The following GSE1 variants were observed in gnomAD, a reference collection of about 807,000 sequenced individuals.
GSE1 encodes genetic suppressor element 1.
GSE1 carries 32 observed loss-of-function variants against 112.6 expected under a neutral mutation model. The observed-to-expected ratio is 0.28, with a 90% confidence interval of 0.21 to 0.38. The LOEUF (loss-of-function observed/expected upper bound fraction) is 0.38. Among genes scored for constraint, GSE1 ranks in the 10% least tolerant of loss-of-function variants. GSE1 has a pLI of 1.00. For synonymous variants in GSE1, 1,115 were observed against 735.6 expected, an observed-to-expected ratio of 1.52 and a Z score of -8.35; for missense variants, 2,348 against 1,699.2, an observed-to-expected ratio of 1.38 and a Z score of -6.71.
At position 85,342,350 on chromosome 16, in the gene GSE1, C is replaced by T. The variant is rs577397201; in HGVS notation, c.2284-15113C>T. 5.3e-5 allele frequency among the ~76,000 whole-genome samples: 8 copies of T among 152,312 alleles called. No individual in the cohort carries two copies. In the South Asian group the frequency reaches 1.4e-3, roughly 28 times the overall value. The stretch of plus-strand genomic sequence containing the variant: ...AGCTGCCATTTTTCACTGTAATACC[C>T]TTGGCAGGGGCTGGGGAAGAAATTA... On this transcript the variant is annotated intron_variant, in intron 1 of 2. Transcript: ENST00000637419.
chr16:85,367,106 A>C (rs919202863), intron 2 of GSE1, among the ~76,000 whole-genome samples: 4 of 152,212 alleles, frequency 2.6e-5, no homozygotes, highest in African/African-American at 9.7e-5. Context: ...TGACCGGTCC[A>C]AGCTGATAAA....
chr16:85,652,186 C>A (rs896900366), intron 3 of GSE1, among the ~76,000 whole-genome samples: 3 of 152,246 alleles, frequency 2.0e-5, no homozygotes, highest in African/African-American at 2.4e-5. Context: ...CCGTTCATAG[C>A]CGTGCCATCA....
At chr16:85,486,788 G>C (rs754334178) in intron 2 of GSE1, among the ~76,000 whole-genome samples, 1 of 152,308 alleles carries the variant, frequency 6.6e-6, no homozygotes, top group South Asian at 2.1e-4. Flanking sequence ...CCCCCCGTTC[G>C]TGGCTTGTGA....
At chr16:85,613,098 GT>G, upstream of GSE1, 4 of 875,326 alleles carry the variant, frequency 4.6e-6, no homozygotes, top group Non-Finnish European at 6.3e-6. Context: ...GCGCCCGTCG[GT>G]GCGCGCGCGC....
At chr16:85,505,336 A>G (rs924007695) in intron 2 of GSE1, among the ~76,000 whole-genome samples, 6 of 152,112 alleles carry the variant, frequency 3.9e-5, no homozygotes, top group African/African-American at 1.4e-4. Context: ...TGCACGTGGG[A>G]GTCCCACCCG....
rs757952338 is a variant in GSE1, at chr16:85,654,974, C to T, written c.780C>T (p.Phe260=). 2.5e-6 allele frequency: 4 copies of T among 1,594,390 alleles called. No individual in the cohort carries two copies. Among genetic ancestry groups the T allele is most frequent in the Non-Finnish European group, 2.6e-6 (3 of 1,170,212 alleles). The change falls in exon 5 of 16, where the codon TTC becomes TTT. Residue 260 remains phenylalanine, a synonymous_variant. Coordinates refer to ENST00000253458, the MANE Select transcript of GSE1 (RefSeq NM_014615.5). ...CCAGCTACCTGGCCCCACACCCCTT[C>T]CCCCACCCGGCCTTCAGGTGAGGCA... The part of the protein sequence containing the change: ...YHPSYLAPHP[F]PHPAFRMDDS...
At chr16:85,630,744 G>A (rs908687121) in intron 1 of GSE1, among the ~76,000 whole-genome samples, 3 of 152,220 alleles carry the variant, frequency 2.0e-5, no homozygotes, top group Non-Finnish European at 2.9e-5. Flanking sequence ...GTAATGAGCA[G>A]TGGGGGCCCA....
intron 1 of GSE1, among the ~76,000 whole-genome samples, chr16:85,590,326 G>C (rs553050462): frequency 3.8e-4 from 57 of 149,774 alleles, no homozygotes; most frequent in Non-Finnish European, 5.4e-4. Flanking sequence ...GTGTGAATGT[G>C]AGTGTGTGTG....
intron 1 of GSE1, among the ~76,000 whole-genome samples, chr16:85,265,222 T>C (rs1045636612): frequency 6.6e-6 from 1 of 152,142 alleles, no homozygotes; most frequent in Admixed American, 6.5e-5. Context: ...GCCTGGAGTG[T>C]GGACAGGACG....
intron 1 of GSE1, chr16:85,283,309 C>T (rs897261522): frequency 3.3e-5 from 5 of 152,784 alleles, no homozygotes; most frequent in Non-Finnish European, 7.3e-5. Flanking sequence ...CTGAAAACGC[C>T]CCACGGGGCC....
chr16:85,392,842 G>A (rs1458595065), intron 2 of GSE1, among the ~76,000 whole-genome samples: 1 of 152,202 alleles, frequency 6.6e-6, no homozygotes, highest in Admixed American at 6.5e-5. Flanking sequence ...AGGCGGCTGG[G>A]GCCAGGTTGG....
intron 1 of GSE1, among the ~76,000 whole-genome samples, chr16:85,576,799 T>A (rs888539712): frequency 2.6e-5 from 4 of 152,096 alleles, no homozygotes; most frequent in Non-Finnish European, 4.4e-5. Flanking sequence ...GGTGTGTCCT[T>A]GGGGATCATG....
intron 2 of GSE1, among the ~76,000 whole-genome samples, chr16:85,412,883 C>T (rs2048611505): frequency 6.6e-6 from 1 of 152,194 alleles, no homozygotes; most frequent in South Asian, 2.1e-4. Flanking sequence ...AGGACAGGGA[C>T]ATCTTTTCAG....
chr16:85,223,990 C>T (rs927467981), intron 1 of GSE1, among the ~76,000 whole-genome samples: 1 of 152,104 alleles, frequency 6.6e-6, no homozygotes, highest in Non-Finnish European at 1.5e-5. Flanking sequence ...CCTCCATTTC[C>T]AGAACTTTTA....
At chr16:85,496,905 T>TTG (rs1477822959) in intron 2 of GSE1, among the ~76,000 whole-genome samples, 1 of 150,376 alleles carries the variant, frequency 6.6e-6, no homozygotes, top group African/African-American at 2.4e-5. Flanking sequence ...TCTTTGTTGT[T>TTG]TTTTTTTTCT....
At chr16:85,246,500 ACCCC>A (rs745863746) in intron 1 of GSE1, among the ~76,000 whole-genome samples, 1 of 18,500 alleles carries the variant, frequency 5.4e-5, no homozygotes, top group Non-Finnish European at 1.1e-4. Flanking sequence ...CACTCTACAC[ACCCC>A]CCCCCCCCCG....
chr16:85,611,607 T>C, upstream of GSE1: 1 of 509,648 alleles, frequency 2.0e-6, no homozygotes, highest in South Asian at 8.4e-5. Flanking sequence ...CGGAGCCTTG[T>C]GCAAGGCGGG....
At chr16:85,173,623 C>A (rs1209210444) in intron 1 of GSE1, among the ~76,000 whole-genome samples, 2 of 152,200 alleles carry the variant, frequency 1.3e-5, no homozygotes, top group Non-Finnish European at 2.9e-5. Flanking sequence ...GAACTCTCTG[C>A]AAATCCTCAA....
chr16:85,525,407 C>G (rs1261786934), intron 2 of GSE1, among the ~76,000 whole-genome samples: 1 of 152,210 alleles, frequency 6.6e-6, no homozygotes, highest in Non-Finnish European at 1.5e-5. Flanking sequence ...GTCATCTCCC[C>G]AGCGTTGGGG....
Sources: allele counts gnomAD v4.1 joint callset (sites outside exome capture counted in the v4.1 genomes callset), GRCh38; gene constraint gnomAD v4.1.1; transcripts MANE v1.5; gene names NCBI Gene and HGNC (gene_info 2026-07-23, HGNC 2026-07-21).